MUCL1: variants seen among roughly 807,000 people sequenced by gnomAD.
MUCL1 encodes the protein mucin like 1.
A neutral mutation model predicts 9.2 loss-of-function variants in MUCL1; 11 were observed. The ratio of observed to expected loss-of-function variants is 1.19; its 90% CI spans 0.75 to 1.97. The LOEUF (loss-of-function observed/expected upper bound fraction) is 1.97, where lower values mean the gene tolerates loss of function less well. Ranked by LOEUF, MUCL1 falls within the 30% of genes most tolerant of loss-of-function variation. The probability of loss-of-function intolerance (pLI) is 0.00; values close to 1 mark genes in which losing one functional copy is unlikely to be tolerated. For synonymous variants in MUCL1, 48 were observed against 40.5 expected (o/e 1.19, Z -0.71); for missense variants, 144 against 110.9 (o/e 1.30, Z -1.34).
chr12:54,858,131 G>A, intron 3 of MUCL1, 62 bp from the exon 4 acceptor site: 7 of 1,602,276 alleles, frequency 4.4e-6, no homozygotes, highest in Middle Eastern at 3.3e-4. Flanking sequence ...AGATTCTGAA[G>A]AATAAATCCA....
chr12:54,831,279 A>G (rs1020066175), intron 1 of MUCL1, among the ~76,000 whole-genome samples: 4 of 152,190 alleles, frequency 2.6e-5, no homozygotes, highest in African/African-American at 7.2e-5. Flanking sequence ...TTAGAGATAA[A>G]TGAGTGCTTA....
chr12:54,837,569 T>C (rs2121482320), upstream of MUCL1, among the ~76,000 whole-genome samples: 1 of 152,046 alleles, frequency 6.6e-6, no homozygotes, highest in South Asian at 2.1e-4. Context: ...ATTGAGACCA[T>C]CCTGACTAAC....
upstream of MUCL1, among the ~76,000 whole-genome samples, chr12:54,837,327 T>C (rs913880710): frequency 2.6e-5 from 4 of 152,330 alleles, no homozygotes; most frequent in South Asian, 4.1e-4. Flanking sequence ...TTTCCCATTA[T>C]ATAATGACTT....
chr12:54,839,292 TG>T (rs1260829411), upstream of MUCL1: 1 of 687,062 alleles, frequency 1.5e-6, no homozygotes, highest in Non-Finnish European at 2.7e-6. Flanking sequence ...ATTGGAATGG[TG>T]GGGGTGTCTT....
intron 1 of MUCL1, among the ~76,000 whole-genome samples, chr12:54,841,802 G>A (rs1421282447): frequency 6.6e-6 from 1 of 152,128 alleles, no homozygotes; most frequent in Non-Finnish European, 1.5e-5. Context: ...CTGTGCAGAA[G>A]CTTTTTGGTT....
intron 1 of MUCL1, among the ~76,000 whole-genome samples, chr12:54,846,971 A>G (rs1959265565): frequency 6.6e-6 from 1 of 152,126 alleles, no homozygotes; most frequent in Non-Finnish European, 1.5e-5. Flanking sequence ...AATTCTGTTT[A>G]TGGTTTTCCT....
chr12:54,832,835 T>C (rs554951086), intron 1 of MUCL1, among the ~76,000 whole-genome samples: 3 of 152,260 alleles, frequency 2.0e-5, no homozygotes, highest in East Asian at 3.9e-4. Flanking sequence ...TACATTTGTA[T>C]AGGTAAAATG....
upstream of MUCL1, among the ~76,000 whole-genome samples, chr12:54,849,597 T>A (rs1959306682): frequency 6.6e-6 from 1 of 152,108 alleles, no homozygotes; most frequent in Non-Finnish European, 1.5e-5. Flanking sequence ...AAAGTTTGGT[T>A]ATACATACAA....
Position 54,844,539 on chromosome 12 carries a change from A to T in MUCL1, c.43+5092A>T, listed in dbSNP as rs1303818858. 4.6e-5 allele frequency among the ~76,000 whole-genome samples: 7 copies of T among 152,324 alleles called. No individual in the cohort carries two copies. The South Asian group carries it at 1.4e-3, about 32-fold the overall frequency. ...CTCTCTAACTTGTGATGTGCACCTA[A>T]AAGAGAAACTGATGACACTTTTGAC... On this transcript the variant is annotated intron_variant, in intron 1 of 3. Transcript: ENST00000546809.
chr12:54,839,556 G>A (rs183362822), intron 1 of MUCL1: 53 of 696,590 alleles, frequency 7.6e-5, no homozygotes, highest in Non-Finnish European at 1.3e-4. Context: ...GGTAGGGAGG[G>A]AGCAACCTCA....
At chr12:54,836,982 CTTGTT>C (rs1406467775), upstream of MUCL1, among the ~76,000 whole-genome samples, 1 of 151,998 alleles carries the variant, frequency 6.6e-6, no homozygotes, top group African/African-American at 2.4e-5. Context: ...AATATATTGA[CTTGTT>C]TTATCTCTTA....
intron 1 of MUCL1, among the ~76,000 whole-genome samples, chr12:54,847,469 G>A (rs1197824940): frequency 6.6e-6 from 1 of 152,124 alleles, no homozygotes; most frequent in Non-Finnish European, 1.5e-5. Context: ...TACAAAATTA[G>A]CCTGTCATGG....
chr12:54,848,951 T>C (rs1434246715), intron 1 of MUCL1, among the ~76,000 whole-genome samples: 2 of 152,186 alleles, frequency 1.3e-5, no homozygotes, highest in African/African-American at 4.8e-5. Context: ...CATTAAAAAG[T>C]ATATCAGTGG....
At chr12:54,840,318 T>C (rs1420590502) in intron 1 of MUCL1, among the ~76,000 whole-genome samples, 1 of 152,230 alleles carries the variant, frequency 6.6e-6, no homozygotes, top group Non-Finnish European at 1.5e-5. Flanking sequence ...AAACTGGTCA[T>C]GTGCACAGAC....
At chr12:54,847,947 G>T (rs140170378) in intron 1 of MUCL1, among the ~76,000 whole-genome samples, 1 of 151,862 alleles carries the variant, frequency 6.6e-6, no homozygotes, top group African/African-American at 2.4e-5. Flanking sequence ...CATGATCACA[G>T]GATGAGATCT....
upstream of MUCL1, among the ~76,000 whole-genome samples, chr12:54,853,305 TC>T (rs1180154171): frequency 3.2e-4 from 48 of 152,176 alleles, no homozygotes; most frequent in Non-Finnish European, 5.1e-4. Flanking sequence ...CTCAGTTGGG[TC>T]CAGCACTTGA....
chr12:54,844,252 T>C (rs1959230664), intron 1 of MUCL1, among the ~76,000 whole-genome samples: 3 of 152,136 alleles, frequency 2.0e-5, no homozygotes, highest in Admixed American at 2.0e-4. Flanking sequence ...CAGATTTTTT[T>C]TATTGGGGGA....
At chr12:54,840,946 C>T (rs1260934932) in intron 1 of MUCL1, among the ~76,000 whole-genome samples, 1 of 152,186 alleles carries the variant, frequency 6.6e-6, no homozygotes, top group African/African-American at 2.4e-5. Flanking sequence ...ATAAACCCTC[C>T]CCAGGGATGA....
intron 1 of MUCL1, among the ~76,000 whole-genome samples, chr12:54,841,232 T>C (rs1362665784): frequency 1.3e-5 from 2 of 151,894 alleles, no homozygotes; most frequent in African/African-American, 4.8e-5. Context: ...TCAGAATTTC[T>C]TTATTCATTT....
Sources: allele counts gnomAD v4.1 joint callset (sites outside exome capture counted in the v4.1 genomes callset), GRCh38; gene constraint gnomAD v4.1.1; transcripts MANE v1.5; gene names NCBI Gene and HGNC (gene_info 2026-07-23, HGNC 2026-07-21).